RUSC1: variants seen among roughly 807,000 people sequenced by gnomAD.
The protein encoded by RUSC1 is RUN and SH3 domain containing 1.
Under a neutral mutation model 72.1 loss-of-function variants are expected in RUSC1, and 40 were observed. The observed-to-expected ratio is 0.55, with a 90% CI of 0.43 to 0.72. The LOEUF (loss-of-function observed/expected upper bound fraction) is 0.72. Among genes scored for constraint, RUSC1 ranks in the 30% least tolerant of loss-of-function variants. The probability of loss-of-function intolerance (pLI) is 0.00; values close to 1 mark genes in which losing one functional copy is unlikely to be tolerated. For synonymous variants in RUSC1, 512 were observed against 494.2 expected, an observed-to-expected ratio of 1.04 and a Z score of -0.48; for missense variants, 1,092 against 1,172.3, an observed-to-expected ratio of 0.93 and a Z score of 1.00.
Position 155,326,157 on chromosome 1 carries a change from G to C in RUSC1, c.1861+247G>C, listed in dbSNP as rs935482730. 1 of 588,894 alleles carries C rather than the reference G, an allele frequency of 1.7e-6. No homozygotes were observed. The highest frequency in any genetic ancestry group is 1.9e-5 in the African/African-American group (1 of 53,602). The allele number at this position is 588,894 out of a possible 1,614,324, so 36.5% of individuals were successfully genotyped here. On this transcript the variant is annotated intron_variant, in intron 7 of 9. Coordinates refer to ENST00000368352, the MANE Select transcript of RUSC1 (RefSeq NM_001105203.2). This position sits in a 1 kb window ranked among gnomAD's most constrained non-coding sequence, Gnocchi z 4.7. ...GGTCTTGCCAACAGTCTTCCCGCCTGGCCCTTCCTGCTCCAGGGCCCTGCT... is the reference window on the plus strand; with the variant it reads ...GGTCTTGCCAACAGTCTTCCCGCCTCGCCCTTCCTGCTCCAGGGCCCTGCT...
chr1:155,321,208 A>G (rs1473161561), intron 1 of RUSC1: 4 of 1,362,766 alleles, frequency 2.9e-6, no homozygotes, highest in Non-Finnish European at 3.9e-6. Flanking sequence ...TGACAAGCTG[A>G]CGGCTGCTCC....
chr1:155,322,085 C>G lies in RUSC1; in HGVS notation c.312C>G (p.Ser104=), dbSNP rs750239716. ...CTCCCTCAGACCCAGGCTGCTCCTC[C>G]TCACTCAGCTCCTGCTCAGATCTTA... ...AASPSDPGCS[S]SLSSCSDLSP... The change falls in exon 2 of 10, where the codon TCC becomes TCG. Residue 104 remains serine (S), a synonymous_variant. Coordinates refer to ENST00000368352, the MANE Select transcript of RUSC1 (RefSeq NM_001105203.2). The G allele has an allele frequency of 1.2e-6, 2 of 1,613,700 alleles. No homozygotes were observed. Among genetic ancestry groups the G allele is most frequent in the African/African-American group, 2.7e-5 (2 of 74,916 alleles).
chr1:155,321,553 G>T, intron 1 of RUSC1, 135 bp from the exon 2 acceptor site: 2 of 1,338,504 alleles, frequency 1.5e-6, no homozygotes, highest in Non-Finnish European at 2.1e-6. Flanking sequence ...TCAGTCGATT[G>T]CGATTTGCAT....
chr1:155,329,198 G>T (rs1375676217), intron 9 of RUSC1, among the ~76,000 whole-genome samples: 1 of 150,732 alleles, frequency 6.6e-6, no homozygotes, highest in Non-Finnish European at 1.5e-5. Context: ...TGATTCTCCT[G>T]CCTCAGCCTC....
At chr1:155,321,506 C>G in intron 1 of RUSC1, 182 bp from the exon 2 acceptor site, 2 of 1,473,604 alleles carry the variant, frequency 1.4e-6, no homozygotes, top group East Asian at 2.7e-5. Flanking sequence ...GGGTTACATT[C>G]GACTCCATCT....
chr1:155,329,135 G>A (rs935832431), intron 9 of RUSC1, among the ~76,000 whole-genome samples: 4 of 152,116 alleles, frequency 2.6e-5, no homozygotes, highest in Admixed American at 1.3e-4. Flanking sequence ...CGCCCAGGCT[G>A]GAGTGTAGTG....
At chr1:155,323,163 G>A in intron 2 of RUSC1, 33 bp downstream of exon 2, 6 of 1,400,036 alleles carry the variant, frequency 4.3e-6, no homozygotes, top group Non-Finnish European at 5.5e-6. Flanking sequence ...AGGAGGGCTG[G>A]GCTTCGGCCG....
At position 155,330,616 on chromosome 1, in the gene RUSC1, G is replaced by A. The variant is rs1228490619; in HGVS notation, c.*45G>A. Reference sequence around the variant, plus strand: ...GTATGTGTCTCCTTCCTGTCACCTGGGAATGGAATGGCCAGTGAACACCAT... The same window carrying A: ...GTATGTGTCTCCTTCCTGTCACCTGAGAATGGAATGGCCAGTGAACACCAT... On this transcript the variant is annotated 3_prime_UTR_variant, in exon 10 of 10. Transcript: ENST00000368352. 2 of 1,504,208 alleles carry A rather than the reference G, an allele frequency of 1.3e-6. No individual in the cohort carries two copies. The highest frequency in any genetic ancestry group is 2.4e-5 in the East Asian group (1 of 42,334). 93.2% of individuals were successfully genotyped at this position (1,504,208 alleles called of 1,614,324 possible).
intron 8 of RUSC1, among the ~76,000 whole-genome samples, chr1:155,327,852 G>A (rs1651578583): frequency 6.6e-6 from 1 of 152,154 alleles, no homozygotes; most frequent in Admixed American, 6.5e-5. Flanking sequence ...TCAACAACTG[G>A]TGGCTCTTTA....
intron 9 of RUSC1, among the ~76,000 whole-genome samples, chr1:155,329,819 G>A (rs1464385567): frequency 6.6e-6 from 1 of 151,914 alleles, no homozygotes; most frequent in Admixed American, 6.6e-5. Flanking sequence ...GCCAGGCGTG[G>A]TGGTGGTGGG....
At chr1:155,321,035 C>T in intron 1 of RUSC1, 44 bp downstream of exon 1, 8 of 1,474,246 alleles carry the variant, frequency 5.4e-6, no homozygotes, top group Non-Finnish European at 7.3e-6. Context: ...TGGACCTGGG[C>T]ACGAGGGGCG....
In RUSC1 at chr1:155,325,334, C is replaced by A. The variant is rs1487246528; in HGVS notation, c.1552C>A (p.Arg518=). ...CCTCCAGGCCCAGTTGGGTGATAGC[C>A]GGCTGAGCCCGGATGTGGGGCACCT... The part of the protein sequence containing the change: ...LVQKAQLGDS[R]LSPDVGHLVL... Residue 518 remains arginine (R), a synonymous_variant, in exon 5 of 10, where the codon CGG becomes AGG. Coordinates refer to ENST00000368352, the MANE Select transcript of RUSC1 (RefSeq NM_001105203.2). The surrounding 1 kb of genome is among the most constrained non-coding windows in gnomAD (Gnocchi z 6.5). 2 of 1,600,480 alleles carry A rather than the reference C, an allele frequency of 1.2e-6. No homozygotes were observed. Among genetic ancestry groups the A allele is most frequent in the Non-Finnish European group, 1.7e-6 (2 of 1,177,998 alleles).
intron 9 of RUSC1, 79 bp downstream of exon 9, chr1:155,328,354 C>A: frequency 2.8e-6 from 4 of 1,425,754 alleles, no homozygotes; most frequent in Non-Finnish European, 3.7e-6. Flanking sequence ...GTGTAAAAAA[C>A]CCTGGGCTTT....
At chr1:155,321,606 G>C (rs1387652933) in intron 1 of RUSC1, 82 bp from the exon 2 acceptor site, 5 of 1,249,880 alleles carry the variant, frequency 4.0e-6, no homozygotes, top group Non-Finnish European at 5.7e-6. Flanking sequence ...CTTCAGGCCT[G>C]CTGCTGCCGT....
chr1:155,324,166 C>G, intron 2 of RUSC1: 1 of 1,366,296 alleles, frequency 7.3e-7, no homozygotes, highest in Non-Finnish European at 9.4e-7. Flanking sequence ...TTGGCCTGTG[C>G]AGCTCGGGCC....
chr1:155,325,729 G>T lies in RUSC1; in HGVS notation c.1814+57G>T. On this transcript the variant is annotated intron_variant, in intron 6 of 9. Transcript: ENST00000368352. The surrounding 1 kb of genome is among the most constrained non-coding windows in gnomAD (Gnocchi z 6.5). The stretch of plus-strand genomic sequence containing the variant: ...CGACCTGGGACTGCAGGAGCGTCAT[G>T]GGTGGGACACAGTAGTAGTGCCTCA... The T allele has an allele frequency of 6.3e-7, 1 of 1,597,252 alleles. No individual in the cohort carries two copies. Among genetic ancestry groups the T allele is most frequent in the South Asian group, 1.1e-5 (1 of 90,510 alleles).
Position 155,326,355 on chromosome 1 carries a change from G to A in RUSC1, c.1862-225G>A. 1 of 586,682 alleles carries A rather than the reference G, an allele frequency of 1.7e-6. No homozygotes were observed. The highest frequency in any genetic ancestry group is 3.0e-6 in the Non-Finnish European group (1 of 331,044). The allele number at this position is 586,682 out of a possible 1,614,324, so 36.3% of individuals were successfully genotyped here. On this transcript the variant is annotated intron_variant, in intron 7 of 9. Coordinates refer to ENST00000368352, the MANE Select transcript of RUSC1 (RefSeq NM_001105203.2). This position sits in a 1 kb window ranked among gnomAD's most constrained non-coding sequence, Gnocchi z 4.7. ...CCTCCTCCTCTGTAGCCTTTGCACT[G>A]TCTCTGTTACTTGTCACCACTTGCT... is the stretch of plus-strand genomic sequence containing the variant.
rs757146752 is a variant in RUSC1 at position 155,325,842 on chromosome 1, C to T, written c.1815-22C>T. 1.2e-6 allele frequency: 2 copies of T among 1,613,896 alleles called. No homozygotes were observed. Among genetic ancestry groups the T allele is most frequent in the African/African-American group, 2.7e-5 (2 of 74,894 alleles). Reference sequence around the variant, plus strand: ...GGAGTCCTCCACCTCCCTGAACTTCCATTCCCTCTTTTCTCCCCTAGCACC... The same window carrying T: ...GGAGTCCTCCACCTCCCTGAACTTCTATTCCCTCTTTTCTCCCCTAGCACC... On this transcript the variant is annotated intron_variant, in intron 6 of 9. Coordinates refer to ENST00000368352, the MANE Select transcript of RUSC1 (RefSeq NM_001105203.2). The surrounding 1 kb of genome is among the most constrained non-coding windows in gnomAD (Gnocchi z 6.5).
At chr1:155,324,439 G>A in intron 2 of RUSC1, 1 of 1,612,972 alleles carries the variant, frequency 6.2e-7, no homozygotes, top group Non-Finnish European at 8.5e-7. Context: ...GTGCTCCCCG[G>A]GGCTCCGCAG....
Sources: allele counts gnomAD v4.1 joint callset (sites outside exome capture counted in the v4.1 genomes callset), GRCh38; gene constraint gnomAD v4.1.1; non-coding constraint Gnocchi (gnomAD v3.1); transcripts MANE v1.5; gene names NCBI Gene and HGNC (gene_info 2026-07-23, HGNC 2026-07-21).